Variants in PER2 observed in about 807,000 individuals in gnomAD.
The protein encoded by PER2 is period circadian regulator 2.
PER2 carries 66 observed loss-of-function variants against 121.0 expected under a neutral mutation model. The observed-to-expected ratio is 0.55, with a 90% CI of 0.45 to 0.67. The LOEUF (loss-of-function observed/expected upper bound fraction) is 0.67, where lower values mean the gene tolerates loss of function less well. Ranked by LOEUF, PER2 falls within the 30% of genes least tolerant of loss-of-function variation. The probability of loss-of-function intolerance (pLI) is 0.00; values close to 1 mark genes in which losing one functional copy is unlikely to be tolerated. For synonymous variants in PER2, 684 were observed against 659.9 expected, an observed-to-expected ratio of 1.04 and a Z score of -0.56; for missense variants, 1,521 against 1,635.0, an observed-to-expected ratio of 0.93 and a Z score of 1.20.
chr2:238,272,858 G>A (rs985448924), intron 5 of PER2, among the ~76,000 whole-genome samples: 3 of 152,224 alleles, frequency 2.0e-5, no homozygotes, highest in African/African-American at 4.8e-5. Context: ...GGTCAGGGAC[G>A]AGGAAGACAG....
chr2:238,292,023 T>C (rs867610032), upstream of PER2, among the ~76,000 whole-genome samples: 4 of 152,182 alleles, frequency 2.6e-5, no homozygotes, highest in Admixed American at 6.5e-5. Context: ...CCAGGCATGA[T>C]GGCATGTTCC....
chr2:238,271,864 G>A (rs1028781618), intron 5 of PER2, among the ~76,000 whole-genome samples: 1 of 151,838 alleles, frequency 6.6e-6, no homozygotes, highest in African/African-American at 2.4e-5. Flanking sequence ...CTAGCCCCGA[G>A]ATGACCCCAA....
rs1027645771 is a variant in PER2 at position 238,268,293 on chromosome 2, A to C, written c.825-95T>G. 2 of 1,295,182 alleles carry C rather than the reference A, an allele frequency of 1.5e-6. No homozygotes were observed. The highest frequency in any genetic ancestry group is 2.9e-5 in the African/African-American group (2 of 68,932). 80.2% of individuals were successfully genotyped at this position (1,295,182 alleles called of 1,614,324 possible). On this transcript the variant is annotated intron_variant, in intron 7 of 22. Coordinates refer to ENST00000254657, the MANE Select transcript of PER2 (RefSeq NM_022817.3). This position sits in a 1 kb window ranked among gnomAD's most constrained non-coding sequence, Gnocchi z 4.0. ...TCACCTGGGCCCCATGCCATGCTGC[A>C]GGTGATGTGTACCTCTGCTCTGCCT...
Position 238,253,340 on chromosome 2 carries a change from G to A in PER2, c.2683C>T (p.Pro895Ser), listed in dbSNP as rs749817639. ...ACAGGCGCCAAAGGGGCAGGGAAAGGTGGGGGCTGGACTGCAAACTGGTGC... is the reference window on the plus strand; with the variant it reads ...ACAGGCGCCAAAGGGGCAGGGAAAGATGGGGGCTGGACTGCAAACTGGTGC... ...LQHQFAVQPPPFPAPLAPVMA... is the reference protein window; with the variant it reads ...LQHQFAVQPPSFPAPLAPVMA... Residue 895 changes from proline (P) to serine (S), a missense_variant, in exon 19 of 23, where the codon CCT becomes TCT. Transcript: ENST00000254657. The surrounding 1 kb of genome is among the most constrained non-coding windows in gnomAD (Gnocchi z 5.6). 53 of 1,613,714 alleles carry A rather than the reference G, an allele frequency of 3.3e-5. 1 individual carries two copies. In the Admixed American group the frequency reaches 8.8e-4, roughly 27 times the overall value.
the PER2 span, chr2:238,295,855 G>T: frequency 1.0e-5 from 2 of 199,384 alleles, no homozygotes; most frequent in South Asian, 6.9e-5. Flanking sequence ...CTGTTGGGGT[G>T]CACAGAGGAA....
At chr2:238,262,100 C>T (rs1035367091) in intron 11 of PER2, 91 bp downstream of exon 11, 3 of 1,281,038 alleles carry the variant, frequency 2.3e-6, no homozygotes, top group Non-Finnish European at 3.4e-6. Context: ...CCTCTCAGCC[C>T]CTCCCTATGC....
At chr2:238,263,894 T>TC (rs1336820703) in intron 9 of PER2, among the ~76,000 whole-genome samples, 17 of 152,038 alleles carry the variant, frequency 1.1e-4, no homozygotes, top group Admixed American at 9.8e-4. Flanking sequence ...TACAGAATGT[T>TC]CCTGGCATCC....
the PER2 span, among the ~76,000 whole-genome samples, chr2:238,297,464 G>A: frequency 6.6e-6 from 1 of 152,144 alleles, no homozygotes; most frequent in Non-Finnish European, 1.5e-5. Context: ...GTGAAGACAC[G>A]ATTGAAATGA....
At chr2:238,262,836 C>A in intron 10 of PER2, 116 bp downstream of exon 10, 1 of 754,492 alleles carries the variant, frequency 1.3e-6, no homozygotes, top group Non-Finnish European at 2.4e-6. Context: ...CGTCTACCAC[C>A]TGCTTGTCCT....
Position 238,253,518 on chromosome 2 carries a change from G to T in PER2, c.2505C>A (p.Asp835Glu), listed in dbSNP as rs147156652. The T allele has an allele frequency of 6.2e-7, 1 of 1,611,822 alleles. No individual in the cohort carries two copies. Residue 835 changes from aspartate to glutamate, a missense_variant, in exon 19 of 23, where the codon GAC becomes GAA. By Grantham distance (45) the Asp-to-Glu change is conservative (BLOSUM62 2). Coordinates refer to ENST00000254657, the MANE Select transcript of PER2 (RefSeq NM_022817.3). The surrounding 1 kb of genome is among the most constrained non-coding windows in gnomAD (Gnocchi z 5.6). ...CGGCTGGGCAGCTGGACTGGGACGT[G>T]TCTGAGGGTGACCAGGCTGTGGCGT... is the stretch of plus-strand genomic sequence containing the variant. ...GLNATAWSPS[D>E]TSQSSCPAVP...
In PER2 at chr2:238,272,717, C is replaced by T. The variant is rs59808249; in HGVS notation, c.570+353G>A. ...TCAAATCCCAGCTCCCCCTCATGACCGCAAAGCCCTGGACAAGTGAACTGA... is the reference window on the plus strand; with the variant it reads ...TCAAATCCCAGCTCCCCCTCATGACTGCAAAGCCCTGGACAAGTGAACTGA... On this transcript the variant is annotated intron_variant, in intron 5 of 22. Coordinates refer to ENST00000254657, the MANE Select transcript of PER2 (RefSeq NM_022817.3). 1.0e-3 allele frequency among the ~76,000 whole-genome samples: 154 copies of T among 152,288 alleles called. 1 individual carries two copies. Among genetic ancestry groups the T allele is most frequent in the African/African-American group, 3.6e-3 (148 of 41,562 alleles).
rs569542106 is a variant in PER2 at position 238,278,925 on chromosome 2, G to T, written c.-19-970C>A. Among the ~76,000 whole-genome samples, 11 of 152,322 alleles carry T rather than the reference G, an allele frequency of 7.2e-5. No individual in the cohort carries two copies. The South Asian group carries it at 2.3e-3, about 32-fold the overall frequency. ...GCCCACGGAACTCAGCTTGCATTTG[G>T]ACAGGCTTGCACTGCTGTGCTGGTC... On this transcript the variant is annotated intron_variant, in intron 1 of 22. Transcript: ENST00000254657.
intron 20 of PER2, among the ~76,000 whole-genome samples, chr2:238,251,351 G>A (rs1695591821): frequency 6.6e-6 from 1 of 152,252 alleles, no homozygotes; most frequent in Non-Finnish European, 1.5e-5. Context: ...CCCACAAGGA[G>A]CCAGGGTGTG....
rs1695729587 is a variant in PER2 at position 238,255,427 on chromosome 2, G to A, written c.2320+230C>T. On this transcript the variant is annotated intron_variant, in intron 18 of 22. Transcript: ENST00000254657. ...CCTGCCATGGTTCTTCCCACCTCGGGCACTAGCCTGGGACTATTCCCCAGG... is the reference window on the plus strand; with the variant it reads ...CCTGCCATGGTTCTTCCCACCTCGGACACTAGCCTGGGACTATTCCCCAGG... The A allele has an allele frequency of 8.3e-6, 5 of 602,224 alleles. No individual in the cohort carries two copies. The East Asian group carries it at 1.1e-4, about 14-fold the overall frequency. The allele number at this position is 602,224 out of a possible 1,614,324, so 37.3% of individuals were successfully genotyped here. A position where few individuals can be genotyped will look rare whatever the true frequency, so the allele number is the denominator to read the frequency against.
At chr2:238,295,178 G>A in the PER2 span, among the ~76,000 whole-genome samples, 1 of 152,178 alleles carries the variant, frequency 6.6e-6, no homozygotes, top group Admixed American at 6.5e-5. Context: ...GTCCCTAAAC[G>A]GAGTCTTGTT....
intron 1 of PER2, among the ~76,000 whole-genome samples, chr2:238,282,459 C>T (rs527633520): frequency 2.9e-4 from 44 of 152,318 alleles, no homozygotes; most frequent in Non-Finnish European, 4.9e-4. Context: ...GGGCCTGGCA[C>T]GTACTGTTGA....
At position 238,252,777 on chromosome 2, in the gene PER2, T is replaced by C; in HGVS notation, c.3111+135A>G. The C allele has an allele frequency of 2.4e-6, 2 of 819,784 alleles. No homozygotes were observed. Among genetic ancestry groups the C allele is most frequent in the Non-Finnish European group, 4.3e-6 (2 of 470,218 alleles). 50.8% of individuals were successfully genotyped at this position (819,784 alleles called of 1,614,324 possible). On this transcript the variant is annotated intron_variant, in intron 19 of 22. Transcript: ENST00000254657. The surrounding 1 kb of genome is among the most constrained non-coding windows in gnomAD (Gnocchi z 4.2). Reference sequence around the variant, plus strand: ...AAGCATGAATTTCTGGCACACACATTCATGGCAAAACCTACAGGGTTTGGT... The same window carrying C: ...AAGCATGAATTTCTGGCACACACATCCATGGCAAAACCTACAGGGTTTGGT...
intron 8 of PER2, among the ~76,000 whole-genome samples, chr2:238,266,117 A>C (rs542720968): frequency 2.7e-4 from 41 of 152,096 alleles, no homozygotes; most frequent in East Asian, 1.9e-3. Flanking sequence ...GTTGGCCAGG[A>C]TGGTCTCGAT....
chr2:238,288,880 C>A (rs1696879466), upstream of PER2, among the ~76,000 whole-genome samples: 7 of 152,210 alleles, frequency 4.6e-5, no homozygotes, highest in South Asian at 1.4e-3. Flanking sequence ...ACATGAGGGG[C>A]GGGGCCTACG....
Sources: gnomAD v4.1 joint callset for allele counts (sites outside exome capture counted in the v4.1 genomes callset) on GRCh38, gnomAD v4.1.1 for gene constraint, Gnocchi (gnomAD v3.1) non-coding constraint, MANE v1.5 for transcripts, NCBI Gene and HGNC (gene_info 2026-07-23, HGNC 2026-07-21) for gene names.